BCAT1: variants seen among roughly 807,000 people sequenced by gnomAD.
BCAT1 encodes branched chain amino acid transaminase 1.
BCAT1 carries 48 observed loss-of-function variants against 52.4 expected under a neutral mutation model. The ratio of observed to expected loss-of-function variants is 0.92; its 90% CI spans 0.73 to 1.16. The LOEUF (loss-of-function observed/expected upper bound fraction) is 1.16. Among genes scored for constraint, BCAT1 ranks in the 50% most tolerant of loss-of-function variants. The pLI, the probability that BCAT1 is intolerant of heterozygous loss-of-function variation, is 0.00. For synonymous variants in BCAT1, 167 were observed against 161.3 expected, an observed-to-expected ratio of 1.04 and a Z score of -0.27; for missense variants, 451 against 457.1, an observed-to-expected ratio of 0.99 and a Z score of 0.12.
At chr12:24,840,238 T>G (rs1438870970) in intron 7 of BCAT1, among the ~76,000 whole-genome samples, 7 of 152,214 alleles carry the variant, frequency 4.6e-5, no homozygotes, top group Admixed American at 3.3e-4. Flanking sequence ...AGAGTGTACT[T>G]AAATTCTGAC....
intron 10 of BCAT1, 132 bp from the exon 11 acceptor site, chr12:24,818,181 C>A: frequency 2.5e-6 from 2 of 803,222 alleles, no homozygotes; most frequent in Non-Finnish European, 4.1e-6. Context: ...TCACATTAAA[C>A]ATGTTCACAT....
intron 2 of BCAT1, among the ~76,000 whole-genome samples, chr12:24,897,204 G>A (rs1792868171): frequency 6.6e-6 from 1 of 152,142 alleles, no homozygotes; most frequent in Non-Finnish European, 1.5e-5. Flanking sequence ...GAGAGTGGGT[G>A]ACAAGAATGA....
At chr12:24,931,190 G>A (rs369637207) in intron 1 of BCAT1, among the ~76,000 whole-genome samples, 1 of 152,110 alleles carries the variant, frequency 6.6e-6, no homozygotes, top group Non-Finnish European at 1.5e-5. Context: ...ACAGGTGTGA[G>A]CCACTGCACC....
At position 24,882,744 on chromosome 12, in the gene BCAT1, G is replaced by A. The variant is rs201164716; in HGVS notation, c.280-1333C>T. On this transcript the variant is annotated intron_variant, in intron 3 of 10. Transcript: ENST00000261192. ...CTCCAGAGTAGCTGGGACTACAGGC[G>A]CGCACCACCACGCCCAAGTTAATTT... Among the ~76,000 whole-genome samples the A allele has an allele frequency of 5.8e-4, 88 of 151,770 alleles. No individual in the cohort carries two copies. The South Asian group carries it at 0.011, about 19-fold the overall frequency.
intron 1 of BCAT1, 154 bp from the exon 2 acceptor site, chr12:24,902,039 G>A (rs1238464495): frequency 3.2e-6 from 5 of 1,552,738 alleles, no homozygotes; most frequent in Non-Finnish European, 4.3e-6. Flanking sequence ...ACCCAGGCCC[G>A]AACCTCCAAC....
rs186347875 is a variant in BCAT1, at chr12:24,812,111, A to G, written c.*5897T>C. On this transcript the variant is annotated 3_prime_UTR_variant, in exon 11 of 11. Transcript: ENST00000261192. ...ACCTGACTAAAAATCTGCACTCTTCAAAAACTTATTGATGAAGTACAAATT... is the reference window on the plus strand; with the variant it reads ...ACCTGACTAAAAATCTGCACTCTTCGAAAACTTATTGATGAAGTACAAATT... 7 of 152,256 alleles carry G rather than the reference A, an allele frequency of 4.6e-5. No homozygotes were observed. The highest frequency in any genetic ancestry group is 2.6e-4 in the Admixed American group (4 of 15,290). The allele number at this position is 152,256 out of a possible 1,614,324, so 9.4% of individuals were successfully genotyped here.
At chr12:24,848,944 C>T (rs1204854416) in intron 6 of BCAT1, among the ~76,000 whole-genome samples, 2 of 152,142 alleles carry the variant, frequency 1.3e-5, no homozygotes, top group African/African-American at 4.8e-5. Context: ...GGGTCAAAGC[C>T]AGTGGTCATT....
At chr12:24,828,242 G>A (rs776410809) in intron 10 of BCAT1, among the ~76,000 whole-genome samples, 2 of 152,214 alleles carry the variant, frequency 1.3e-5, no homozygotes, top group Non-Finnish European at 1.5e-5. Flanking sequence ...AATTGACAAG[G>A]ATAGTAACTG....
intron 1 of BCAT1, among the ~76,000 whole-genome samples, chr12:24,913,968 TTTGGGGAAGAGGGG>T (rs1437780949): frequency 2.0e-5 from 3 of 152,108 alleles, no homozygotes; most frequent in African/African-American, 7.2e-5. Flanking sequence ...TATGGCCCAC[TTTGGGGAAGAGGGG>T]TTGTAGTCTT....
At chr12:24,930,025 G>T (rs1234682583) in intron 1 of BCAT1, among the ~76,000 whole-genome samples, 1 of 152,222 alleles carries the variant, frequency 6.6e-6, no homozygotes, top group Non-Finnish European at 1.5e-5. Context: ...TGTGGACCAT[G>T]AATTAGAGGA....
At chr12:24,923,674 T>C (rs1387133280) in intron 1 of BCAT1, among the ~76,000 whole-genome samples, 16 of 152,158 alleles carry the variant, frequency 1.1e-4, no homozygotes, top group South Asian at 2.1e-4. Flanking sequence ...CTTCCCATAG[T>C]GCTGGAATTA....
Position 24,836,899 on chromosome 12 carries a change from A to G in BCAT1, c.818-303T>C, listed in dbSNP as rs542449234. Among the ~76,000 whole-genome samples, 2 of 45,066 alleles carry G rather than the reference A, an allele frequency of 4.4e-5. 1 individual carries two copies. The highest frequency in any genetic ancestry group is 5.5e-4 in the Admixed American group (2 of 3,616). 29.6% of individuals were successfully genotyped at this position (45,066 alleles called of 152,430 possible). A position where few individuals can be genotyped will look rare whatever the true frequency, so the allele number is the denominator to read the frequency against. On this transcript the variant is annotated intron_variant, in intron 7 of 10. Transcript: ENST00000261192. ...AGAAAGAGAAAGAAAGAAAGAAAGA[A>G]AAGAAAGAGAGAAAGAAAGAAAGAA...
chr12:24,865,417 T>C (rs1318585921), intron 5 of BCAT1, among the ~76,000 whole-genome samples: 1 of 152,248 alleles, frequency 6.6e-6, no homozygotes, highest in Non-Finnish European at 1.5e-5. Flanking sequence ...GTAAGTATCC[T>C]TGAATGTATG....
At chr12:24,930,056 G>T (rs765611530) in intron 1 of BCAT1, among the ~76,000 whole-genome samples, 1 of 152,222 alleles carries the variant, frequency 6.6e-6, no homozygotes, top group African/African-American at 2.4e-5. Context: ...AATCTCATTT[G>T]TCTGTGACCA....
chr12:24,936,728 C>T (rs578029590), intron 1 of BCAT1, among the ~76,000 whole-genome samples: 1 of 144,924 alleles, frequency 6.9e-6, no homozygotes, highest in African/African-American at 2.5e-5. Context: ...CTCTCTCACA[C>T]ACACACACAC....
intron 5 of BCAT1, among the ~76,000 whole-genome samples, chr12:24,863,584 G>A (rs1348734737): frequency 1.3e-5 from 2 of 152,188 alleles, no homozygotes; most frequent in African/African-American, 2.4e-5. Flanking sequence ...AGTGGTCCAG[G>A]ATACTTGATA....
chr12:24,880,320 G>A (rs1237351489), intron 4 of BCAT1, among the ~76,000 whole-genome samples: 3 of 152,194 alleles, frequency 2.0e-5, no homozygotes. Context: ...AGCTGGGCAT[G>A]GCTGCGTGCA....
intron 8 of BCAT1, among the ~76,000 whole-genome samples, chr12:24,835,782 G>A (rs1283692055): frequency 5.3e-5 from 8 of 151,610 alleles, no homozygotes; most frequent in East Asian, 3.9e-4. Flanking sequence ...GTAGATTCGG[G>A]GTCTCACTAT....
In BCAT1 at chr12:24,836,549, C is replaced by A; in HGVS notation, c.865G>T (p.Val289Leu). ...AGGTCCAGAATGCACCGCCTTGTCA[C>A]TCCTGGAAGAATGATGCCATCTAGT... Reference protein sequence around the residue: ...PPLDGIILPGVTRRCILDLAH... With the variant: ...PPLDGIILPGLTRRCILDLAH... Residue 289 changes from valine (V) to leucine (L), a missense_variant, in exon 8 of 11, where the codon GTG becomes TTG. By Grantham distance (32) the Val-to-Leu change is conservative. Coordinates refer to ENST00000261192, the MANE Select transcript of BCAT1 (RefSeq NM_005504.7). 1 of 1,613,268 alleles carries A rather than the reference C, an allele frequency of 6.2e-7. No individual in the cohort carries two copies. Among genetic ancestry groups the A allele is most frequent in the Non-Finnish European group, 8.5e-7 (1 of 1,179,650 alleles).
Sources: allele counts gnomAD v4.1 joint callset (sites outside exome capture counted in the v4.1 genomes callset), GRCh38; gene constraint gnomAD v4.1.1; transcripts MANE v1.5; gene names NCBI Gene and HGNC (gene_info 2026-07-23, HGNC 2026-07-21).